RC3H1: variants seen among roughly 807,000 people sequenced by gnomAD.
RC3H1 encodes the protein ring finger and CCCH-type domains 1, also known as roquin-1.
RC3H1 carries 50 observed loss-of-function variants against 138.2 expected under a neutral mutation model. The observed-to-expected ratio is 0.36, with a 90% CI of 0.29 to 0.46. The LOEUF (loss-of-function observed/expected upper bound fraction) is 0.46, where lower values mean the gene tolerates loss of function less well. Ranked by LOEUF, RC3H1 falls within the 20% of genes least tolerant of loss-of-function variation. The pLI, the probability that RC3H1 is intolerant of heterozygous loss-of-function variation, is 1.00. For missense variants in RC3H1, 1,031 were observed against 1,388.1 expected (o/e 0.74, Z 4.09); for synonymous variants, 462 against 489.1 (o/e 0.94, Z 0.73).
intron 13 of RC3H1, among the ~76,000 whole-genome samples, chr1:173,956,987 C>G (rs2102911597): frequency 6.6e-6 from 1 of 152,000 alleles, no homozygotes; most frequent in East Asian, 1.9e-4. Flanking sequence ...GATCTCGGCT[C>G]ACTGCAACCT....
At chr1:174,011,676 C>G (rs1169578232) in intron 1 of RC3H1, among the ~76,000 whole-genome samples, 2 of 151,928 alleles carry the variant, frequency 1.3e-5, no homozygotes, top group African/African-American at 4.8e-5. Flanking sequence ...AAAAGAAAAT[C>G]AAGAGACTGA....
chr1:173,943,611 ACAGC>A lies in RC3H1; in HGVS notation c.2962_2965del (p.Ala988LeufsTer31). ...CCTCTGCAACACCAGCCTGTTACTA[ACAGC>A]CTAGTGCATAAAGCCAAGCACACAG... On this transcript the variant is annotated frameshift_variant and splice_region_variant, in exon 18 of 20. Coordinates refer to ENST00000367696, the MANE Select transcript of RC3H1 (RefSeq NM_172071.4). LOFTEE classifies it high-confidence loss of function. 1 of 1,611,984 alleles carries A rather than the reference ACAGC, an allele frequency of 6.2e-7. No individual in the cohort carries two copies. The highest frequency in any genetic ancestry group is 8.5e-7 in the Non-Finnish European group (1 of 1,179,122).
chr1:173,981,832 A>G (rs1660833079), intron 5 of RC3H1, among the ~76,000 whole-genome samples: 1 of 152,022 alleles, frequency 6.6e-6, no homozygotes, highest in South Asian at 2.1e-4. Flanking sequence ...CCCAGAAGGC[A>G]GAGGATGCAG....
rs951634230 is a variant in RC3H1, at chr1:173,938,044, A to G, written c.*677T>C. On this transcript the variant is annotated 3_prime_UTR_variant, in exon 20 of 20. Coordinates refer to ENST00000367696, the MANE Select transcript of RC3H1 (RefSeq NM_172071.4). ...TCTATTTGAAAAGTTGAAAATAAAA[A>G]CAAGAAATAAAACCCTCCCAAACAA... is the stretch of plus-strand genomic sequence containing the variant. 8.5e-5 allele frequency: 13 copies of G among 152,234 alleles called. No individual in the cohort carries two copies. The highest frequency in any genetic ancestry group is 3.1e-4 in the African/African-American group (13 of 41,460). The allele number at this position is 152,234 out of a possible 1,614,324, so 9.4% of individuals were successfully genotyped here.
rs1300071616 is a variant in RC3H1 at position 173,937,357 on chromosome 1, T to C, written c.*1364A>G. On this transcript the variant is annotated 3_prime_UTR_variant, in exon 20 of 20. Transcript: ENST00000367696. ...AGTAACTTATTACATAACCAGTGCT[T>C]TCTAATTTAGTAGTAAAATACAGAA... 3 of 151,020 alleles carry C rather than the reference T, an allele frequency of 2.0e-5. No homozygotes were observed. The highest frequency in any genetic ancestry group is 2.0e-4 in the Admixed American group (3 of 15,186). The allele number at this position is 151,020 out of a possible 1,614,324, so 9.4% of individuals were successfully genotyped here. A position where few individuals can be genotyped will look rare whatever the true frequency, so the allele number is the denominator to read the frequency against.
intron 14 of RC3H1, 146 bp from the exon 15 acceptor site, chr1:173,947,728 G>T: frequency 1.5e-6 from 1 of 658,992 alleles, no homozygotes; most frequent in Non-Finnish European, 2.6e-6. Flanking sequence ...TTGTTTTTAT[G>T]TAACACTGGT....
At chr1:174,006,894 TATAAC>T (rs1473185097) in intron 1 of RC3H1, among the ~76,000 whole-genome samples, 4 of 152,156 alleles carry the variant, frequency 2.6e-5, no homozygotes, top group Non-Finnish European at 5.9e-5. Context: ...TAAGATGAAG[TATAAC>T]ATACATACAG....
At chr1:173,989,710 GTTTTTTTTTTT>G (rs372808172) in intron 2 of RC3H1, among the ~76,000 whole-genome samples, 6 of 103,224 alleles carry the variant, frequency 5.8e-5, no homozygotes, top group South Asian at 3.1e-4. Flanking sequence ...GTTTATTCAA[GTTTTTTTTTTT>G]TTTTTTTTTT....
chr1:174,014,323 T>C (rs1222755877), intron 1 of RC3H1, among the ~76,000 whole-genome samples: 1 of 152,134 alleles, frequency 6.6e-6, no homozygotes, highest in East Asian at 1.9e-4. Flanking sequence ...ATGGGAACTG[T>C]GTATTTTTTT....
chr1:173,955,614 C>T (rs1425087444), intron 13 of RC3H1, among the ~76,000 whole-genome samples: 1 of 151,846 alleles, frequency 6.6e-6, no homozygotes, highest in African/African-American at 2.4e-5. Context: ...CCACCGCGCC[C>T]GGCCAATTTA....
At chr1:173,976,408 T>C (rs950161224) in intron 7 of RC3H1, among the ~76,000 whole-genome samples, 4 of 151,850 alleles carry the variant, frequency 2.6e-5, no homozygotes, top group Non-Finnish European at 5.9e-5. Context: ...AACCGAGATC[T>C]TGCCATTGCC....
At chr1:174,019,232 A>G (rs758007682) in intron 1 of RC3H1, among the ~76,000 whole-genome samples, 1 of 152,222 alleles carries the variant, frequency 6.6e-6, no homozygotes, top group Non-Finnish European at 1.5e-5. Flanking sequence ...TGTGATTCAC[A>G]TGAACAAATA....
At chr1:173,967,275 G>C (rs985773194) in intron 9 of RC3H1, among the ~76,000 whole-genome samples, 5 of 152,092 alleles carry the variant, frequency 3.3e-5, no homozygotes, top group Non-Finnish European at 7.4e-5. Flanking sequence ...GGCCATGATT[G>C]CATCACTGCA....
chr1:173,972,627 T>A lies in RC3H1; in HGVS notation c.1103A>T (p.Asp368Val), dbSNP rs780093844. The A allele has an allele frequency of 6.3e-7, 1 of 1,590,184 alleles. No individual in the cohort carries two copies. The highest frequency in any genetic ancestry group is 8.6e-7 in the Non-Finnish European group (1 of 1,158,198). The change falls in exon 8 of 20, where the codon GAT (aspartate) becomes GTT (valine). Residue 368 changes from aspartate (D) to valine (V), a missense_variant and splice_region_variant. Around this residue, in one of 7 missense-constraint regions of RC3H1, gnomAD observed 142 missense variants for 224.6 expected, o/e 0.63. Coordinates refer to ENST00000367696, the MANE Select transcript of RC3H1 (RefSeq NM_172071.4). Reference sequence around the variant, plus strand: ...CTGTTCCCAAGTAGGAGGAGGAGCATCTATACAACCAATGATAATGTTTTA... The same window carrying A: ...CTGTTCCCAAGTAGGAGGAGGAGCAACTATACAACCAATGATAATGTTTTA... ...ELLANIDPSP[D>V]APPPTWEQLE...
In RC3H1 at chr1:173,943,566, C is replaced by T. The variant is rs1430376809; in HGVS notation, c.3011G>A (p.Gly1004Asp). The T allele has an allele frequency of 1.9e-6, 3 of 1,614,068 alleles. No individual in the cohort carries two copies. In the East Asian group the frequency reaches 6.7e-5, roughly 36 times the overall value. ...TGGCGGTGGTGGGGGCTGTGACTGG[C>T]CTGCCAGGGTGTTTGCCTCCCTCTG... ...VLQREANTLA[G>D]QSQPPPPPPP... The change falls in exon 18 of 20, where the codon GGC becomes GAC. Residue 1004 changes from glycine (G) to aspartate (D), a missense_variant. Around this residue, in one of 7 missense-constraint regions of RC3H1, gnomAD observed 716 missense variants for 837.9 expected, o/e 0.85. Coordinates refer to ENST00000367696, the MANE Select transcript of RC3H1 (RefSeq NM_172071.4).
rs187514729 is a variant in RC3H1 at position 173,932,527 on chromosome 1, T to C, written c.*6194A>G. ...AAAGATAATGAGACCTGTGGACTAATTAATTTTTTTAAAAAAGTTCCTTTT... is the reference window on the plus strand; with the variant it reads ...AAAGATAATGAGACCTGTGGACTAACTAATTTTTTTAAAAAAGTTCCTTTT... On this transcript the variant is annotated 3_prime_UTR_variant, in exon 20 of 20. Transcript: ENST00000367696. The C allele has an allele frequency of 2.4e-3, 364 of 152,258 alleles. 3 individuals are homozygous for C. Among genetic ancestry groups the C allele is most frequent in the African/African-American group, 8.5e-3 (355 of 41,570 alleles). 9.4% of individuals were successfully genotyped at this position (152,258 alleles called of 1,614,324 possible).
intron 13 of RC3H1, among the ~76,000 whole-genome samples, chr1:173,960,103 G>A (rs1659807422): frequency 3.5e-5 from 3 of 85,988 alleles, no homozygotes; most frequent in South Asian, 7.8e-4. Context: ...ATGAGACTCC[G>A]ACTCAAAAAA....
intron 1 of RC3H1, among the ~76,000 whole-genome samples, chr1:173,995,696 A>G (rs6425269): frequency 0.013 from 1,921 of 152,206 alleles, 45 homozygotes; most frequent in African/African-American, 0.042. Context: ...TTCTCCTGTG[A>G]TATTATTCTC....
intron 13 of RC3H1, among the ~76,000 whole-genome samples, chr1:173,959,392 C>T (rs1329484311): frequency 3.3e-5 from 5 of 152,038 alleles, no homozygotes; most frequent in Admixed American, 6.5e-5. Flanking sequence ...ATGTAAGACG[C>T]GCAAGACACT....
Sources: gnomAD v4.1 joint callset for allele counts (sites outside exome capture counted in the v4.1 genomes callset) on GRCh38, gnomAD v4.1.1 for gene constraint, gnomAD v4.1.1 regional missense constraint, MANE v1.5 for transcripts, NCBI Gene and HGNC (gene_info 2026-07-23, HGNC 2026-07-21) for gene names.